Variants in PRUNE2 observed in about 807,000 individuals in gnomAD.
PRUNE2 encodes protein prune homolog 2.
In PRUNE2, 164 loss-of-function variants were observed where a neutral mutation model predicts 252.0. The observed-to-expected ratio is 0.65, with a 90% CI of 0.57 to 0.74. PRUNE2 has a LOEUF of 0.74. Ranked by LOEUF, PRUNE2 falls within the 30% of genes least tolerant of loss-of-function variation. The pLI is 0.00. For missense variants in PRUNE2, 3,495 were observed against 3,711.0 expected, an observed-to-expected ratio of 0.94 and a Z score of 1.51; for synonymous variants, 1,292 against 1,350.2, an observed-to-expected ratio of 0.96 and a Z score of 0.94.
intron 1 of PRUNE2, among the ~76,000 whole-genome samples, chr9:76,899,815 G>C (rs1357235393): frequency 6.6e-6 from 1 of 152,218 alleles, no homozygotes; most frequent in Non-Finnish European, 1.5e-5. Flanking sequence ...ACTTAGAAGA[G>C]TCTTTTCTTT....
chr9:76,700,962 C>T (rs543193795), intron 9 of PRUNE2, among the ~76,000 whole-genome samples: 70 of 152,308 alleles, frequency 4.6e-4, no homozygotes, highest in Middle Eastern at 3.4e-3. Flanking sequence ...CATTGACTAG[C>T]TTGACTTAAA....
chr9:76,794,606 T>C (rs1431879492), intron 6 of PRUNE2, among the ~76,000 whole-genome samples: 1 of 128,570 alleles, frequency 7.8e-6, no homozygotes, highest in African/African-American at 3.2e-5. Flanking sequence ...AAAGAGAGAC[T>C]CTGTCTCAAA....
intron 15 of PRUNE2, among the ~76,000 whole-genome samples, chr9:76,633,442 G>A (rs778648130): frequency 5.9e-5 from 9 of 151,892 alleles, no homozygotes; most frequent in Non-Finnish European, 1.2e-4. Flanking sequence ...TTAGCCAGGC[G>A]TGGTGGTACA....
chr9:76,801,157 C>T (rs1273912252), intron 6 of PRUNE2, among the ~76,000 whole-genome samples: 1 of 152,112 alleles, frequency 6.6e-6, no homozygotes, highest in Non-Finnish European at 1.5e-5. Context: ...AGTTATCTAA[C>T]AAATATTTTA....
intron 15 of PRUNE2, among the ~76,000 whole-genome samples, chr9:76,630,402 G>A (rs1204445355): frequency 6.6e-6 from 1 of 152,060 alleles, no homozygotes; most frequent in Non-Finnish European, 1.5e-5. Flanking sequence ...AATGCACAGA[G>A]AACAACTTGG....
At chr9:76,667,377 C>T (rs376877642) in intron 9 of PRUNE2, among the ~76,000 whole-genome samples, 5 of 152,350 alleles carry the variant, frequency 3.3e-5, no homozygotes, top group South Asian at 2.1e-4. Flanking sequence ...ATCTGCAGGA[C>T]GCCCAAGTGA....
At chr9:76,781,398 TCA>T (rs1396110074) in intron 6 of PRUNE2, among the ~76,000 whole-genome samples, 1 of 152,180 alleles carries the variant, frequency 6.6e-6, no homozygotes. Flanking sequence ...GAATTTTCTT[TCA>T]GTTTCCTGAA....
intron 4 of PRUNE2, among the ~76,000 whole-genome samples, chr9:76,834,949 A>G (rs2058873151): frequency 1.3e-5 from 2 of 152,228 alleles, no homozygotes; most frequent in Non-Finnish European, 2.9e-5. Context: ...CCTAACTTAC[A>G]GCAAATTTTG....
At chr9:76,893,589 G>T (rs2062624906) in intron 1 of PRUNE2, among the ~76,000 whole-genome samples, 1 of 152,216 alleles carries the variant, frequency 6.6e-6, no homozygotes, top group African/African-American at 2.4e-5. Flanking sequence ...CTACGTAAAT[G>T]CCAGCCTATG....
chr9:76,656,355 A>C (rs1849234740), intron 9 of PRUNE2, among the ~76,000 whole-genome samples: 1 of 152,174 alleles, frequency 6.6e-6, no homozygotes, highest in South Asian at 2.1e-4. Context: ...AGTTTCACGT[A>C]ATTTCATTCA....
intron 1 of PRUNE2, among the ~76,000 whole-genome samples, chr9:76,856,741 G>A (rs1435365371): frequency 1.3e-5 from 2 of 151,804 alleles, no homozygotes; most frequent in African/African-American, 4.8e-5. Flanking sequence ...GGTGTCATAT[G>A]CCTCTCTTTT....
chr9:76,856,346 A>G (rs1483006158), intron 1 of PRUNE2: 1 of 152,172 alleles, frequency 6.6e-6, no homozygotes, highest in African/African-American at 2.4e-5. Context: ...CATTTGTGAG[A>G]TCAAAATTAC....
At chr9:76,880,062 C>T (rs536845908) in intron 1 of PRUNE2, among the ~76,000 whole-genome samples, 112 of 151,164 alleles carry the variant, frequency 7.4e-4, no homozygotes, top group African/African-American at 2.5e-3. Flanking sequence ...TACAGGCACG[C>T]GCCACCACGC....
In PRUNE2 at chr9:76,642,094, G is replaced by A. The variant is rs1436468536; in HGVS notation, c.8728+2645C>T. 7.4e-6 allele frequency: 6 copies of A among 810,448 alleles called. 1 individual carries two copies. Among genetic ancestry groups the A allele is most frequent in the Non-Finnish European group, 1.1e-5 (6 of 527,694 alleles). The allele number at this position is 810,448 out of a possible 1,614,324, so 50.2% of individuals were successfully genotyped here. On this transcript the variant is annotated intron_variant, in intron 12 of 18. Transcript: ENST00000376718. ...CTCCATTATTTAAATGGGTTTCTCA[G>A]CTCCAAGTTCAAAAAAAAAGCCAGT...
rs185749815 is a variant in PRUNE2, at chr9:76,875,695, A to G, written c.37-21487T>C. ...GTGTTTTAGCCACCTGTGTGAGTCCAAAGTCTCAAGATGTTCTCTGCACAT... is the reference window on the plus strand; with the variant it reads ...GTGTTTTAGCCACCTGTGTGAGTCCGAAGTCTCAAGATGTTCTCTGCACAT... On this transcript the variant is annotated intron_variant, in intron 1 of 18. Coordinates refer to ENST00000376718, the MANE Select transcript of PRUNE2 (RefSeq NM_015225.3). Among the ~76,000 whole-genome samples, 504 of 140,274 alleles carry G rather than the reference A, an allele frequency of 3.6e-3. 1 individual carries two copies. The highest frequency in any genetic ancestry group is 0.016 in the African/African-American group (478 of 30,206). 92.0% of individuals were successfully genotyped at this position (140,274 alleles called of 152,430 possible). A position where few individuals can be genotyped will look rare whatever the true frequency, so the allele number is the denominator to read the frequency against.
chr9:76,900,775 T>C, intron 1 of PRUNE2, among the ~76,000 whole-genome samples: 1 of 152,120 alleles, frequency 6.6e-6, no homozygotes, highest in East Asian at 1.9e-4. Flanking sequence ...TCTTCCCTCA[T>C]TCTTCTCACT....
At chr9:76,696,174 C>G (rs1228288285) in intron 9 of PRUNE2, among the ~76,000 whole-genome samples, 2 of 152,150 alleles carry the variant, frequency 1.3e-5, no homozygotes, top group African/African-American at 2.4e-5. Context: ...AAGGGTTACC[C>G]AATCCTGCAC....
At chr9:76,714,542 G>C (rs1221484105) in intron 6 of PRUNE2, among the ~76,000 whole-genome samples, 1 of 109,772 alleles carries the variant, frequency 9.1e-6, no homozygotes, top group Non-Finnish European at 2.3e-5. Flanking sequence ...CTACAGGTGT[G>C]TATCACCATG....
intron 9 of PRUNE2, among the ~76,000 whole-genome samples, chr9:76,686,109 G>A (rs1446789181): frequency 6.6e-6 from 1 of 152,238 alleles, no homozygotes; most frequent in Non-Finnish European, 1.5e-5. Context: ...ACCTCTTGGG[G>A]AGAACTGATT....
Sources: allele counts gnomAD v4.1 joint callset (sites outside exome capture counted in the v4.1 genomes callset), GRCh38; gene constraint gnomAD v4.1.1; transcripts MANE v1.5; gene names NCBI Gene and HGNC (gene_info 2026-07-23, HGNC 2026-07-21).